The following KLF12 variants were observed in gnomAD, a reference collection of about 807,000 sequenced individuals.
KLF12 encodes the protein Krueppel-like factor 12.
A neutral mutation model predicts 37.8 loss-of-function variants in KLF12; 9 were observed. The observed-to-expected ratio is 0.24, with a 90% confidence interval of 0.14 to 0.42. The LOEUF (loss-of-function observed/expected upper bound fraction) is 0.42. KLF12 is among the 10% of genes least tolerant of loss of function. KLF12 has a pLI of 1.00. For synonymous variants in KLF12, 208 were observed against 202.1 expected, an observed-to-expected ratio of 1.03 and a Z score of -0.25; for missense variants, 411 against 516.0, an observed-to-expected ratio of 0.80 and a Z score of 1.97.
At chr13:74,089,615 A>C (rs1254706536) in intron 1 of KLF12, among the ~76,000 whole-genome samples, 5 of 152,138 alleles carry the variant, frequency 3.3e-5, no homozygotes, top group African/African-American at 1.2e-4. Context: ...ACTGGGATTC[A>C]TCCCAGGTAC....
At chr13:74,249,777 G>T in the KLF12 span, among the ~76,000 whole-genome samples, 17 of 152,134 alleles carry the variant, frequency 1.1e-4, no homozygotes, top group Non-Finnish European at 2.4e-4. Context: ...GGTCCTTGGA[G>T]AATTTTTTAA....
At chr13:74,009,601 G>A (rs905304306) in intron 1 of KLF12, among the ~76,000 whole-genome samples, 1 of 152,200 alleles carries the variant, frequency 6.6e-6, no homozygotes, top group Non-Finnish European at 1.5e-5. Flanking sequence ...AAGAGAGAAG[G>A]AGAGAAACGT....
At chr13:73,998,841 TA>T (rs1312775333) in intron 1 of KLF12, among the ~76,000 whole-genome samples, 2 of 152,242 alleles carry the variant, frequency 1.3e-5, no homozygotes, top group Non-Finnish European at 2.9e-5. Flanking sequence ...TTTCTGGAGA[TA>T]AATGCAAATC....
At chr13:73,793,499 G>A (rs1324614380) in intron 5 of KLF12, among the ~76,000 whole-genome samples, 1 of 152,190 alleles carries the variant, frequency 6.6e-6, no homozygotes, top group East Asian at 1.9e-4. Context: ...CTCATTCTGA[G>A]AGTTTATAGT....
chr13:74,128,805 AT>A (rs1461635344), intron 1 of KLF12, among the ~76,000 whole-genome samples: 3 of 151,948 alleles, frequency 2.0e-5, no homozygotes, highest in Admixed American at 6.5e-5. Flanking sequence ...TAAAGATAGA[AT>A]TTTTTTTAAA....
At chr13:73,938,977 C>G (rs1383454877) in intron 3 of KLF12, among the ~76,000 whole-genome samples, 3 of 152,200 alleles carry the variant, frequency 2.0e-5, no homozygotes, top group Admixed American at 1.3e-4. Context: ...CTGTCTTCCA[C>G]TCAATTACTG....
intron 5 of KLF12, among the ~76,000 whole-genome samples, chr13:73,775,415 A>G (rs1186126322): frequency 6.6e-6 from 1 of 152,310 alleles, no homozygotes; most frequent in East Asian, 1.9e-4. Flanking sequence ...AATTTAGATT[A>G]TGTGTACAGA....
At chr13:73,999,972 A>G (rs1892229283) in intron 1 of KLF12, among the ~76,000 whole-genome samples, 1 of 152,126 alleles carries the variant, frequency 6.6e-6, no homozygotes, top group Non-Finnish European at 1.5e-5. Context: ...CAGCCTTAAC[A>G]CTTGGGAGTA....
At chr13:74,091,881 GT>G (rs995324010) in intron 1 of KLF12, among the ~76,000 whole-genome samples, 15 of 152,070 alleles carry the variant, frequency 9.9e-5, no homozygotes, top group Admixed American at 9.8e-4. Flanking sequence ...GATAGGGGAT[GT>G]TGATAATGAA....
chr13:73,766,654 ACTC>A (rs2138087611), intron 5 of KLF12, among the ~76,000 whole-genome samples: 1 of 152,198 alleles, frequency 6.6e-6, no homozygotes, highest in East Asian at 1.9e-4. Context: ...AGCCCCAAAT[ACTC>A]ACAGTTCTTT....
At chr13:73,911,945 A>C (rs965237849) in intron 3 of KLF12, among the ~76,000 whole-genome samples, 13 of 152,206 alleles carry the variant, frequency 8.5e-5, no homozygotes, top group African/African-American at 3.1e-4. Flanking sequence ...GGATACAATG[A>C]TTTAGAATAG....
At chr13:74,146,476 G>A in the KLF12 span, among the ~76,000 whole-genome samples, 1 of 152,134 alleles carries the variant, frequency 6.6e-6, no homozygotes, top group African/African-American at 2.4e-5. Context: ...TACGTAGACT[G>A]TTGCCGAAAC....
chr13:74,134,856 G>C (rs962739117), upstream of KLF12, among the ~76,000 whole-genome samples: 2 of 152,092 alleles, frequency 1.3e-5, no homozygotes, highest in African/African-American at 4.8e-5. Flanking sequence ...CGCCCGGGTG[G>C]GGGCGCGCAG....
At chr13:73,792,283 T>C (rs1443195322) in intron 5 of KLF12, among the ~76,000 whole-genome samples, 4 of 152,132 alleles carry the variant, frequency 2.6e-5, no homozygotes, top group Non-Finnish European at 5.9e-5. Context: ...TATAAAAAGG[T>C]CAATATTGAT....
At chr13:73,767,101 C>G (rs770807737) in intron 5 of KLF12, among the ~76,000 whole-genome samples, 5 of 152,224 alleles carry the variant, frequency 3.3e-5, no homozygotes, top group Non-Finnish European at 5.9e-5. Context: ...TAACTTGGCA[C>G]ATACTTCATC....
At chr13:74,245,293 T>TTATC in the KLF12 span, among the ~76,000 whole-genome samples, 13,753 of 148,996 alleles carry the variant, frequency 0.092, 631 homozygotes, top group East Asian at 0.097. Context: ...GGAGATAAGT[T>TTATC]TATCTATCTA....
At chr13:74,063,323 A>G (rs1055031860) in intron 1 of KLF12, among the ~76,000 whole-genome samples, 7 of 152,208 alleles carry the variant, frequency 4.6e-5, no homozygotes, top group Non-Finnish European at 1.0e-4. Flanking sequence ...ACGTTTCAAA[A>G]TGCTTTAAGG....
At chr13:74,068,034 G>T (rs1352984615) in intron 1 of KLF12, among the ~76,000 whole-genome samples, 1 of 152,204 alleles carries the variant, frequency 6.6e-6, no homozygotes, top group Admixed American at 6.5e-5. Context: ...TGATGCACCT[G>T]GAATGTGACC....
chr13:74,064,071 C>T (rs1449052634), intron 1 of KLF12, among the ~76,000 whole-genome samples: 4 of 150,262 alleles, frequency 2.7e-5, no homozygotes, highest in Admixed American at 6.7e-5. Flanking sequence ...TGCAATATCC[C>T]TGTCCCCAAA....
Sources: allele counts gnomAD v4.1 joint callset (sites outside exome capture counted in the v4.1 genomes callset), GRCh38; gene constraint gnomAD v4.1.1; transcripts MANE v1.5; gene names NCBI Gene and HGNC (gene_info 2026-07-23, HGNC 2026-07-21).